Variants in ITGB5 observed in about 807,000 individuals in gnomAD.
ITGB5 encodes integrin subunit beta 5, also known as integrin beta-5.
A neutral mutation model predicts 84.8 loss-of-function variants in ITGB5; 38 were observed. The ratio of observed to expected loss-of-function variants is 0.45; its 90% CI spans 0.35 to 0.59. The LOEUF (loss-of-function observed/expected upper bound fraction) is 0.59, where lower values mean the gene tolerates loss of function less well. Among genes scored for constraint, ITGB5 ranks in the 20% least tolerant of loss-of-function variants. The pLI, the probability that ITGB5 is intolerant of heterozygous loss-of-function variation, is 0.01. For missense variants in ITGB5, 905 were observed against 1,034.5 expected (o/e 0.87, Z 1.72); for synonymous variants, 393 against 414.4 (o/e 0.95, Z 0.63).
At chr3:124,823,324 A>G (rs1218594044) in intron 5 of ITGB5, among the ~76,000 whole-genome samples, 1 of 152,048 alleles carries the variant, frequency 6.6e-6, no homozygotes, top group African/African-American at 2.4e-5. Flanking sequence ...GGAAGCTGAA[A>G]GAAGGAATAA....
chr3:124,833,286 G>T (rs1224830628), intron 5 of ITGB5, among the ~76,000 whole-genome samples: 2 of 152,110 alleles, frequency 1.3e-5, no homozygotes, highest in African/African-American at 4.8e-5. Context: ...AGAACATTTT[G>T]GAATGAAGAA....
chr3:124,828,427 G>A (rs1468819196), intron 5 of ITGB5, among the ~76,000 whole-genome samples: 1 of 152,202 alleles, frequency 6.6e-6, no homozygotes, highest in East Asian at 1.9e-4. Flanking sequence ...CAAAAAAAGA[G>A]TGTATACTAG....
chr3:124,874,094 G>A (rs113202848), intron 1 of ITGB5, among the ~76,000 whole-genome samples: 194 of 150,976 alleles, frequency 1.3e-3, no homozygotes, highest in African/African-American at 4.6e-3. Flanking sequence ...GGCTAGGCAT[G>A]GTGGCTCATG....
chr3:124,839,309 T>C (rs540111938), intron 5 of ITGB5, among the ~76,000 whole-genome samples: 1 of 152,290 alleles, frequency 6.6e-6, no homozygotes, highest in Admixed American at 6.5e-5. Flanking sequence ...TCTGCTAGCA[T>C]CGCCTCTGAA....
At chr3:124,891,094 C>A (rs763514662), upstream of ITGB5, among the ~76,000 whole-genome samples, 4 of 152,108 alleles carry the variant, frequency 2.6e-5, no homozygotes, top group Admixed American at 2.6e-4. Context: ...ATCAGTTTGA[C>A]GACGGGGTTT....
At chr3:124,872,956 T>G (rs1173657158) in intron 2 of ITGB5, among the ~76,000 whole-genome samples, 1 of 152,194 alleles carries the variant, frequency 6.6e-6, no homozygotes, top group East Asian at 1.9e-4. Flanking sequence ...CCTATATCTC[T>G]TTCTAAAAGG....
intron 12 of ITGB5, among the ~76,000 whole-genome samples, chr3:124,766,917 C>T (rs2063776185): frequency 6.6e-6 from 1 of 152,250 alleles, no homozygotes. Context: ...CAGTGTGGAA[C>T]TCAGGCTGTC....
chr3:124,785,941 T>C (rs1021277080), intron 10 of ITGB5, among the ~76,000 whole-genome samples: 5 of 152,294 alleles, frequency 3.3e-5, no homozygotes, highest in East Asian at 1.9e-4. Flanking sequence ...AAAGTAAATT[T>C]AGGTAGAAAT....
intron 1 of ITGB5, among the ~76,000 whole-genome samples, chr3:124,879,817 A>C (rs1934487792): frequency 6.6e-6 from 1 of 152,242 alleles, no homozygotes; most frequent in African/African-American, 2.4e-5. Flanking sequence ...TATCCATAGA[A>C]ACCCTCAGGA....
intron 3 of ITGB5, 118 bp downstream of exon 3, chr3:124,859,124 C>T (rs2065259793): frequency 1.2e-5 from 11 of 926,666 alleles, no homozygotes; most frequent in African/African-American, 1.2e-4. Flanking sequence ...TCCCCATCAC[C>T]ATCTCGTGGC....
chr3:124,852,156 C>T (rs1053494860), intron 3 of ITGB5, among the ~76,000 whole-genome samples: 4 of 152,112 alleles, frequency 2.6e-5, no homozygotes, highest in African/African-American at 9.7e-5. Flanking sequence ...GAGTGGGAAG[C>T]GCTTCTCGCC....
intron 4 of ITGB5, among the ~76,000 whole-genome samples, chr3:124,845,793 G>A (rs1333978484): frequency 2.0e-5 from 3 of 152,168 alleles, no homozygotes; most frequent in Non-Finnish European, 4.4e-5. Context: ...GCCCAATTAG[G>A]ACAGAGGTGA....
intron 1 of ITGB5, among the ~76,000 whole-genome samples, chr3:124,881,637 G>A (rs1260894137): frequency 6.6e-6 from 1 of 152,090 alleles, no homozygotes; most frequent in Admixed American, 6.6e-5. Context: ...AAACAACTCA[G>A]GGAGTAGACC....
intron 8 of ITGB5, among the ~76,000 whole-genome samples, chr3:124,816,382 T>G (rs1237035988): frequency 6.6e-6 from 1 of 152,244 alleles, no homozygotes; most frequent in Non-Finnish European, 1.5e-5. Flanking sequence ...CTCACAGATG[T>G]GTGATGCCGT....
At chr3:124,802,487 A>T (rs746030540) in intron 9 of ITGB5, among the ~76,000 whole-genome samples, 1 of 151,888 alleles carries the variant, frequency 6.6e-6, no homozygotes, top group Non-Finnish European at 1.5e-5. Flanking sequence ...GAACTGACAG[A>T]CCCCTCTCCT....
chr3:124,831,698 C>T (rs990250613), intron 5 of ITGB5, among the ~76,000 whole-genome samples: 2 of 152,114 alleles, frequency 1.3e-5, no homozygotes, highest in Admixed American at 6.5e-5. Flanking sequence ...TCTCTGATCC[C>T]GAGGTCAATC....
chr3:124,771,999 A>AC (rs1203782221), intron 11 of ITGB5, among the ~76,000 whole-genome samples: 3 of 151,894 alleles, frequency 2.0e-5, no homozygotes, highest in East Asian at 1.9e-4. Context: ...TCCTAGCTTG[A>AC]CCCCAACTCC....
At chr3:124,821,539 G>A (rs1211638286) in intron 5 of ITGB5, 65 bp from the exon 6 acceptor site, 3 of 1,555,584 alleles carry the variant, frequency 1.9e-6, no homozygotes, top group Non-Finnish European at 2.6e-6. Context: ...GTCATGCAGG[G>A]CACTGGCCCC....
intron 1 of ITGB5, among the ~76,000 whole-genome samples, chr3:124,876,524 G>A (rs1287329612): frequency 1.3e-5 from 2 of 152,186 alleles, no homozygotes; most frequent in African/African-American, 4.8e-5. Flanking sequence ...GTAGGGGAAG[G>A]AAGCTTTATC....
Sources: allele counts gnomAD v4.1 joint callset (sites outside exome capture counted in the v4.1 genomes callset), GRCh38; gene constraint gnomAD v4.1.1; transcripts MANE v1.5; gene names NCBI Gene and HGNC (gene_info 2026-07-23, HGNC 2026-07-21).